CEP85L: variants seen among roughly 807,000 people sequenced by gnomAD.
CEP85L encodes the protein centrosomal protein of 85 kDa-like.
A neutral mutation model predicts 100.3 loss-of-function variants in CEP85L; 60 were observed. The observed-to-expected ratio is 0.60, with a 90% confidence interval of 0.49 to 0.74. The LOEUF is 0.74. Ranked by LOEUF, CEP85L falls within the 30% of genes least tolerant of loss-of-function variation. The pLI is 0.00. For missense variants in CEP85L, 973 were observed against 936.2 expected, an observed-to-expected ratio of 1.04 and a Z score of -0.51; for synonymous variants, 319 against 322.7, an observed-to-expected ratio of 0.99 and a Z score of 0.12.
intron 3 of CEP85L, among the ~76,000 whole-genome samples, chr6:118,556,905 A>G (rs1240204131): frequency 2.6e-5 from 4 of 152,196 alleles, no homozygotes; most frequent in South Asian, 4.1e-4. Flanking sequence ...TTTTTCTGTA[A>G]TGACATGTAA....
chr6:118,681,633 C>G (rs940870171), intron 1 of CEP85L, among the ~76,000 whole-genome samples: 1 of 151,748 alleles, frequency 6.6e-6, no homozygotes, highest in African/African-American at 2.4e-5. Context: ...CCTGCAATGT[C>G]ACTGGTATAT....
At chr6:118,611,066 C>T (rs774759160) in intron 2 of CEP85L, among the ~76,000 whole-genome samples, 3 of 151,878 alleles carry the variant, frequency 2.0e-5, no homozygotes, top group Non-Finnish European at 4.4e-5. Context: ...AAAAAAGAAA[C>T]CTTGGAACAT....
At chr6:118,564,135 G>A (rs62422182) in intron 3 of CEP85L, among the ~76,000 whole-genome samples, 25,087 of 152,070 alleles carry the variant, frequency 0.16, 2,209 homozygotes, top group Non-Finnish European at 0.19. Flanking sequence ...ACCCTCCTCT[G>A]CATTGCTTTG....
chr6:118,493,328 T>C (rs901864094), intron 5 of CEP85L, among the ~76,000 whole-genome samples: 6 of 152,204 alleles, frequency 3.9e-5, no homozygotes, highest in African/African-American at 1.4e-4. Context: ...GCAGCCTTCC[T>C]GTAGAATTCC....
At chr6:118,499,590 G>C (rs943447663) in intron 5 of CEP85L, among the ~76,000 whole-genome samples, 2 of 152,090 alleles carry the variant, frequency 1.3e-5, no homozygotes, top group Non-Finnish European at 2.9e-5. Context: ...CTTGAGCCCA[G>C]GAAACGGAGG....
At chr6:118,659,625 T>C (rs1446744342) in intron 1 of CEP85L, among the ~76,000 whole-genome samples, 1 of 152,248 alleles carries the variant, frequency 6.6e-6, no homozygotes, top group African/African-American at 2.4e-5. Flanking sequence ...ATTGGGAGCA[T>C]TCAATCAGCA....
chr6:118,522,044 G>A (rs1468105128), intron 4 of CEP85L, among the ~76,000 whole-genome samples: 11 of 152,182 alleles, frequency 7.2e-5, no homozygotes, highest in African/African-American at 2.4e-4. Context: ...AAGTAAAACT[G>A]AACTTTAGTC....
At chr6:118,525,173 A>C (rs1482674717) in intron 3 of CEP85L, among the ~76,000 whole-genome samples, 6 of 152,218 alleles carry the variant, frequency 3.9e-5, no homozygotes, top group Admixed American at 1.3e-4. Context: ...ATAACCATCT[A>C]CTAAGTAGAT....
chr6:118,551,656 T>C (rs551932198), intron 3 of CEP85L, among the ~76,000 whole-genome samples: 3 of 152,154 alleles, frequency 2.0e-5, no homozygotes, highest in East Asian at 3.9e-4. Flanking sequence ...GACAGAGCTT[T>C]AACATGAGAA....
At chr6:118,474,912 A>T (rs535733845) in intron 10 of CEP85L, among the ~76,000 whole-genome samples, 1 of 152,336 alleles carries the variant, frequency 6.6e-6, no homozygotes, top group East Asian at 1.9e-4. Context: ...AAAAACAGTG[A>T]GATAGCTGGG....
rs1305152021 is a variant in CEP85L, at chr6:118,674,191, A to G, written c.-27-21383T>C. Among the ~76,000 whole-genome samples, 5 of 152,354 alleles carry G rather than the reference A, an allele frequency of 3.3e-5. No individual in the cohort carries two copies. In the East Asian group the frequency reaches 9.6e-4, roughly 29 times the overall value. Reference sequence around the variant, plus strand: ...AAATAAATTGTACTTCATAAAAATTATGAATATTTGTGCTTCAAAGAAAAC... The same window carrying G: ...AAATAAATTGTACTTCATAAAAATTGTGAATATTTGTGCTTCAAAGAAAAC... On this transcript the variant is annotated intron_variant, in intron 1 of 13. Transcript: ENST00000368488.
chr6:118,680,305 GCTTTTTTTTT>G (rs1776612542), intron 1 of CEP85L, among the ~76,000 whole-genome samples: 1 of 85,604 alleles, frequency 1.2e-5, no homozygotes, highest in Non-Finnish European at 2.2e-5. Context: ...CCTTGGTGTT[GCTTTTTTTTT>G]TTTTTTTTTT....
chr6:118,489,357 TA>T (rs1248671305), intron 6 of CEP85L, among the ~76,000 whole-genome samples: 2 of 150,942 alleles, frequency 1.3e-5, no homozygotes, highest in African/African-American at 4.9e-5. Context: ...ACCCTTGTAC[TA>T]TAAAAAATGT....
At chr6:118,593,983 T>C (rs115155140) in intron 2 of CEP85L, among the ~76,000 whole-genome samples, 140 of 152,282 alleles carry the variant, frequency 9.2e-4, no homozygotes, top group African/African-American at 3.2e-3. Flanking sequence ...CTAAACAACA[T>C]TTCTGCCAGG....
chr6:118,469,425 A>G (rs2114418840), intron 11 of CEP85L, 122 bp from the exon 12 acceptor site: 3 of 677,678 alleles, frequency 4.4e-6, no homozygotes, highest in Non-Finnish European at 7.6e-6. Flanking sequence ...TTATATGCAC[A>G]TTAACCAAAT....
At chr6:118,487,347 A>G (rs1033720498) in intron 6 of CEP85L, among the ~76,000 whole-genome samples, 1 of 152,168 alleles carries the variant, frequency 6.6e-6, no homozygotes, top group Admixed American at 6.5e-5. Flanking sequence ...CATGGGAAGA[A>G]TTTGATTTAT....
chr6:118,553,680 T>A (rs1328889848), intron 3 of CEP85L, among the ~76,000 whole-genome samples: 1 of 152,214 alleles, frequency 6.6e-6, no homozygotes. Flanking sequence ...AGAAACAAAC[T>A]CTTCTTTTTC....
At chr6:118,496,319 C>T (rs1458981117) in intron 5 of CEP85L, among the ~76,000 whole-genome samples, 2 of 142,702 alleles carry the variant, frequency 1.4e-5, no homozygotes, top group South Asian at 2.2e-4. Flanking sequence ...ATCTCTTATA[C>T]ACAGAAGTGA....
At position 118,697,599 on chromosome 6, in the gene CEP85L, T is replaced by C. The variant is rs149217161; in HGVS notation, c.-28+12437A>G. Among the ~76,000 whole-genome samples the C allele has an allele frequency of 2.3e-4, 35 of 152,338 alleles. 1 individual carries two copies. The East Asian group carries it at 6.4e-3, about 28-fold the overall frequency. The stretch of plus-strand genomic sequence containing the variant: ...TACTCTCAGAGCTATATGTAAACTA[T>C]GCTAGTTTTCTTCAGTTAACTGGTA... On this transcript the variant is annotated intron_variant, in intron 1 of 13. Coordinates refer to the CEP85L transcript ENST00000368488.
Sources: gnomAD v4.1 joint callset for allele counts (sites outside exome capture counted in the v4.1 genomes callset) on GRCh38, gnomAD v4.1.1 for gene constraint, MANE v1.5 for transcripts, NCBI Gene and HGNC (gene_info 2026-07-23, HGNC 2026-07-21) for gene names.